The following SH3BGR variants were observed in gnomAD, a reference collection of about 807,000 sequenced individuals.
SH3BGR encodes the protein SH3 domain-binding glutamic acid-rich protein.
SH3BGR carries 29 observed loss-of-function variants against 24.5 expected under a neutral mutation model. The observed-to-expected ratio is 1.18, with a 90% confidence interval of 0.88 to 1.61. The LOEUF is 1.61. Among genes scored for constraint, SH3BGR ranks in the 40% most tolerant of loss-of-function variants. The pLI is 0.00. For missense variants in SH3BGR, 162 were observed against 205.8 expected (o/e 0.79, Z 1.30); for synonymous variants, 55 against 65.7 (o/e 0.84, Z 0.79).
intron 3 of SH3BGR, among the ~76,000 whole-genome samples, chr21:39,496,463 G>A (rs559359015): frequency 2.0e-4 from 28 of 142,398 alleles, no homozygotes; most frequent in Middle Eastern, 3.9e-3. Flanking sequence ...TTGCGCCACC[G>A]CAGTCCGCAG....
intron 2 of SH3BGR, among the ~76,000 whole-genome samples, chr21:39,465,615 G>A (rs2077828655): frequency 1.3e-5 from 2 of 151,936 alleles, no homozygotes; most frequent in Non-Finnish European, 2.9e-5. Flanking sequence ...TTTTATGATA[G>A]GGTCTCACTG....
chr21:39,447,963 C>G (rs1276336895), upstream of SH3BGR, among the ~76,000 whole-genome samples: 1 of 152,180 alleles, frequency 6.6e-6, no homozygotes, highest in Non-Finnish European at 1.5e-5. Flanking sequence ...ACCAAGTTGT[C>G]TGAAAGTCCA....
chr21:39,470,406 G>T (rs770997302), intron 2 of SH3BGR, among the ~76,000 whole-genome samples: 1 of 151,840 alleles, frequency 6.6e-6, no homozygotes. Context: ...TTACAGGCAC[G>T]CACCACCATG....
chr21:39,447,642 C>T (rs2077521998), upstream of SH3BGR, among the ~76,000 whole-genome samples: 1 of 152,024 alleles, frequency 6.6e-6, no homozygotes, highest in South Asian at 2.1e-4. Flanking sequence ...TGGCCTTGAA[C>T]TCCTGACCTC....
At chr21:39,452,661 G>A (rs7279859) in intron 1 of SH3BGR, among the ~76,000 whole-genome samples, 2 of 152,198 alleles carry the variant, frequency 1.3e-5, no homozygotes, top group African/African-American at 4.8e-5. Flanking sequence ...TGATGTCACA[G>A]TGACCAGAGC....
chr21:39,492,443 GGTGTGTGTGTGT>G (rs1164205385), intron 3 of SH3BGR, among the ~76,000 whole-genome samples: 9 of 136,638 alleles, frequency 6.6e-5, no homozygotes, highest in Middle Eastern at 7.2e-3. Flanking sequence ...AGTTTCCCTT[GGTGTGTGTGTGT>G]GTGTGTGTGT....
upstream of SH3BGR, among the ~76,000 whole-genome samples, chr21:39,450,095 GT>G (rs34240918): frequency 0.71 from 107,261 of 152,004 alleles, 38,073 homozygotes; most frequent in Middle Eastern, 0.77. Context: ...CTTTCTTCAA[GT>G]AATATTTGGA....
rs1411310020 is a variant in SH3BGR, at chr21:39,511,168, G to A, written c.436-512G>A. ...GTATGTGTGGTGTATGTGTATTTGTGTGTGGTGTATATGGTGTGTGGTGTG... is the reference window on the plus strand; with the variant it reads ...GTATGTGTGGTGTATGTGTATTTGTATGTGGTGTATATGGTGTGTGGTGTG... On this transcript the variant is annotated intron_variant, in intron 5 of 6. Transcript: ENST00000333634. The surrounding 1 kb of genome is among the most constrained non-coding windows in gnomAD (Gnocchi z 4.2). Among the ~76,000 whole-genome samples, 1 of 150,748 alleles carries A rather than the reference G, an allele frequency of 6.6e-6. No individual in the cohort carries two copies. Among genetic ancestry groups the A allele is most frequent in the Admixed American group, 6.6e-5 (1 of 15,140 alleles).
chr21:39,474,963 A>C (rs887568529), intron 2 of SH3BGR, among the ~76,000 whole-genome samples, 172 bp from the exon 3 acceptor site: 7 of 152,142 alleles, frequency 4.6e-5, no homozygotes, highest in African/African-American at 1.7e-4. Context: ...TGTAAAGTTC[A>C]TGGTTAGATT....
intron 3 of SH3BGR, among the ~76,000 whole-genome samples, chr21:39,482,226 A>T (rs1260272718): frequency 6.6e-6 from 1 of 152,260 alleles, no homozygotes; most frequent in African/African-American, 2.4e-5. Flanking sequence ...AAAGAATCAG[A>T]CAAAACAAAA....
At chr21:39,446,356 A>G (rs1269663918) in intron 1 of SH3BGR, among the ~76,000 whole-genome samples, 2 of 152,030 alleles carry the variant, frequency 1.3e-5, no homozygotes, top group Non-Finnish European at 2.9e-5. Context: ...GTTTCCTTTT[A>G]TTTATTTACT....
At chr21:39,462,649 A>G (rs995621131) in intron 2 of SH3BGR, 89 bp downstream of exon 2, 1 of 877,050 alleles carries the variant, frequency 1.1e-6, no homozygotes, top group East Asian at 3.1e-5. Context: ...AGCATTTGAA[A>G]TTATTCACAA....
chr21:39,485,046 TAGAC>T (rs980818594), intron 3 of SH3BGR, among the ~76,000 whole-genome samples: 1 of 152,218 alleles, frequency 6.6e-6, no homozygotes, highest in African/African-American at 2.4e-5. Flanking sequence ...TTTCTTGTCT[TAGAC>T]AGGCTGTTCT....
intron 3 of SH3BGR, among the ~76,000 whole-genome samples, chr21:39,481,781 G>A (rs1036396882): frequency 6.6e-6 from 1 of 151,948 alleles, no homozygotes; most frequent in African/African-American, 2.4e-5. Flanking sequence ...GTCAAATATC[G>A]AATAAATGAT....
intron 1 of SH3BGR, among the ~76,000 whole-genome samples, chr21:39,461,135 ATTTTTTT>A (rs56088801): frequency 1.6e-5 from 2 of 127,024 alleles, no homozygotes; most frequent in African/African-American, 6.1e-5. Context: ...AGTTTTGTAG[ATTTTTTT>A]TTTTTTTTTT....
chr21:39,447,416 CTTTTTTT>C (rs910615975), upstream of SH3BGR, among the ~76,000 whole-genome samples: 28 of 114,706 alleles, frequency 2.4e-4, no homozygotes, highest in East Asian at 1.2e-3. Flanking sequence ...TTCGCTTTTG[CTTTTTTT>C]TTTTTTTTTT....
intron 6 of SH3BGR, among the ~76,000 whole-genome samples, chr21:39,514,058 T>G (rs1353700356): frequency 6.6e-6 from 1 of 152,192 alleles, no homozygotes; most frequent in East Asian, 1.9e-4. Flanking sequence ...TGGAATCCAG[T>G]CCCTAATAGT....
At chr21:39,495,160 C>G (rs959749304) in intron 3 of SH3BGR, among the ~76,000 whole-genome samples, 1 of 152,098 alleles carries the variant, frequency 6.6e-6, no homozygotes, top group Admixed American at 6.5e-5. Flanking sequence ...TCCTTGTCTG[C>G]AAATTCCAGC....
At chr21:39,456,689 C>T (rs1164130204) in intron 1 of SH3BGR, among the ~76,000 whole-genome samples, 1 of 152,190 alleles carries the variant, frequency 6.6e-6, no homozygotes, top group East Asian at 1.9e-4. Context: ...CGCACCTCCT[C>T]CTTTGGTTCT....
Sources: allele counts gnomAD v4.1 joint callset (sites outside exome capture counted in the v4.1 genomes callset), GRCh38; gene constraint gnomAD v4.1.1; non-coding constraint Gnocchi (gnomAD v3.1); transcripts MANE v1.5; gene names NCBI Gene and HGNC (gene_info 2026-07-23, HGNC 2026-07-21).